MAP2: variants seen among roughly 807,000 people sequenced by gnomAD.
MAP2 encodes microtubule-associated protein 2.
Under a neutral mutation model 137.6 loss-of-function variants are expected in MAP2, and 14 were observed. That is an observed-to-expected ratio of 0.10 (90% CI 0.07 to 0.16). MAP2 has a LOEUF of 0.16. MAP2 is among the 10% of genes least tolerant of loss of function. MAP2 has a pLI of 1.00. For missense variants in MAP2, 2,088 were observed against 2,191.5 expected, an observed-to-expected ratio of 0.95 and a Z score of 0.94; for synonymous variants, 786 against 782.3, an observed-to-expected ratio of 1.00 and a Z score of -0.08.
chr2:209,668,354 CAACA>C (rs1355202313), intron 5 of MAP2, among the ~76,000 whole-genome samples: 2 of 151,932 alleles, frequency 1.3e-5, no homozygotes, highest in Non-Finnish European at 2.9e-5. Context: ...AATTTTATTT[CAACA>C]AACGCCCCAG....
In MAP2 at chr2:209,680,837, A is replaced by G. The variant is rs1380376410; in HGVS notation, c.454+10A>G. 1.2e-6 allele frequency: 2 copies of G among 1,611,952 alleles called. No individual in the cohort carries two copies. The highest frequency in any genetic ancestry group is 8.5e-7 in the Non-Finnish European group (1 of 1,178,280). ...GTCACAGTGGAGGAAGGTAAGGCCT[A>G]TTGGACTTTTCAGGGTTTGTCTTCT... On this transcript the variant is annotated intron_variant, in intron 7 of 15. Coordinates refer to ENST00000682079, the MANE Select transcript of MAP2 (RefSeq NM_001375505.1).
chr2:209,692,579 A>T lies in MAP2; in HGVS notation c.455-46A>T, dbSNP rs1156938851. On this transcript the variant is annotated intron_variant, in intron 7 of 15. Transcript: ENST00000682079. ...ATATAATTTTAAGCTTATTTCCTGA[A>T]CGCACTTGCCTATTATTTGTTTAAA... 2.0e-6 allele frequency: 3 copies of T among 1,513,678 alleles called. No individual in the cohort carries two copies. The East Asian group carries it at 6.9e-5, about 35-fold the overall frequency. 93.8% of individuals were successfully genotyped at this position (1,513,678 alleles called of 1,614,324 possible).
chr2:209,560,171 T>C lies in MAP2; in HGVS notation c.-171-19865T>C, dbSNP rs141213721. 9.3e-3 allele frequency among the ~76,000 whole-genome samples: 1,417 copies of C among 152,318 alleles called. 18 individuals are homozygous for C. The highest frequency in any genetic ancestry group is 0.033 in the African/African-American group (1,360 of 41,562). ...AACAGAACAGATGAAAGGCTATGGA[T>C]TGCATTCTCACCTGTTCCCTGTGCT... is the stretch of plus-strand genomic sequence containing the variant. On this transcript the variant is annotated intron_variant, in intron 2 of 15. Transcript: ENST00000682079.
intron 14 of MAP2, 113 bp downstream of exon 14, chr2:209,725,903 G>A: frequency 1.8e-6 from 1 of 571,346 alleles, no homozygotes; most frequent in Non-Finnish European, 3.0e-6. Context: ...TTAAAATATG[G>A]GTACTTCACA....
chr2:209,723,699 C>T (rs764814167), intron 13 of MAP2: 17 of 1,603,768 alleles, frequency 1.1e-5, no homozygotes, highest in Admixed American at 3.3e-5. Context: ...TAAGTAGAAG[C>T]GCCTTTTAGA....
intron 14 of MAP2, among the ~76,000 whole-genome samples, chr2:209,726,713 A>G (rs2074178252): frequency 6.6e-6 from 1 of 152,204 alleles, no homozygotes; most frequent in South Asian, 2.1e-4. Flanking sequence ...GCAGCAAGCT[A>G]TGATCACACC....
intron 14 of MAP2, among the ~76,000 whole-genome samples, chr2:209,726,133 G>A (rs183264755): frequency 2.5e-3 from 378 of 152,244 alleles, no homozygotes; most frequent in Non-Finnish European, 4.7e-3. Flanking sequence ...ATTGGGGGTA[G>A]CATTTCCAAG....
intron 5 of MAP2, among the ~76,000 whole-genome samples, chr2:209,674,223 A>G (rs908451072): frequency 2.0e-5 from 3 of 151,874 alleles, no homozygotes; most frequent in African/African-American, 7.2e-5. Flanking sequence ...CCTTTAGTGC[A>G]TATCACTATT....
chr2:209,716,557 A>G (rs951727657), intron 13 of MAP2, among the ~76,000 whole-genome samples: 1 of 152,174 alleles, frequency 6.6e-6, no homozygotes, highest in Non-Finnish European at 1.5e-5. Context: ...CTCATCAGCT[A>G]TGATTAGTTT....
intron 2 of MAP2, among the ~76,000 whole-genome samples, chr2:209,548,511 A>G (rs1189452416): frequency 2.6e-5 from 4 of 152,212 alleles, no homozygotes; most frequent in Admixed American, 2.0e-4. Context: ...TTCAGATGTC[A>G]TAGAAATGAC....
At chr2:209,582,679 A>T (rs563747041) in intron 3 of MAP2, among the ~76,000 whole-genome samples, 1 of 151,980 alleles carries the variant, frequency 6.6e-6, no homozygotes, top group African/African-American at 2.4e-5. Context: ...AGATAGATAG[A>T]TAGATAGATA....
At chr2:209,523,141 C>T (rs2063520761) in intron 2 of MAP2, among the ~76,000 whole-genome samples, 1 of 152,014 alleles carries the variant, frequency 6.6e-6, no homozygotes, top group Non-Finnish European at 1.5e-5. Flanking sequence ...ATGCTTAGAC[C>T]TCAGTTACTC....
chr2:209,586,607 A>C (rs993379708), intron 3 of MAP2, among the ~76,000 whole-genome samples: 1 of 152,162 alleles, frequency 6.6e-6, no homozygotes, highest in Non-Finnish European at 1.5e-5. Context: ...CTGTTCAGAG[A>C]ATGAATTATA....
chr2:209,657,142 T>A (rs1375402230), intron 5 of MAP2, among the ~76,000 whole-genome samples: 1 of 151,600 alleles, frequency 6.6e-6, no homozygotes, highest in Non-Finnish European at 1.5e-5. Flanking sequence ...TATTCCATCG[T>A]ATATCTACAC....
intron 1 of MAP2, among the ~76,000 whole-genome samples, chr2:209,480,457 A>G (rs1200091443): frequency 6.6e-6 from 1 of 152,170 alleles, no homozygotes; most frequent in Non-Finnish European, 1.5e-5. Flanking sequence ...ATATTTAAAG[A>G]TGATTACAAG....
At chr2:209,490,057 AC>A (rs2058881227) in intron 1 of MAP2, among the ~76,000 whole-genome samples, 1 of 152,196 alleles carries the variant, frequency 6.6e-6, no homozygotes, top group Non-Finnish European at 1.5e-5. Flanking sequence ...ACAAAGGGAA[AC>A]CCATCAGACA....
Position 209,637,268 on chromosome 2 carries a change from C to A in MAP2, c.-30+12139C>A, listed in dbSNP as rs560457637. Among the ~76,000 whole-genome samples, 10 of 152,140 alleles carry A rather than the reference C, an allele frequency of 6.6e-5. 1 individual carries two copies. The South Asian group carries it at 1.9e-3, about 28-fold the overall frequency. ...GACCACCCTAGCCAATATGGTGAAA[C>A]CCTATCTCTATTAAAAATACAAAAA... On this transcript the variant is annotated intron_variant, in intron 4 of 15. Transcript: ENST00000682079.
At chr2:209,671,283 C>G (rs1485800792) in intron 5 of MAP2, among the ~76,000 whole-genome samples, 2 of 151,876 alleles carry the variant, frequency 1.3e-5, no homozygotes, top group Non-Finnish European at 2.9e-5. Flanking sequence ...AATAAAAACC[C>G]AACAATTTGC....
intron 4 of MAP2, among the ~76,000 whole-genome samples, chr2:209,633,211 C>T (rs1030904407): frequency 6.6e-6 from 1 of 152,118 alleles, no homozygotes; most frequent in African/African-American, 2.4e-5. Context: ...TCTAAATACC[C>T]GTGTTCCCCT....
Sources: gnomAD v4.1 joint callset for allele counts (sites outside exome capture counted in the v4.1 genomes callset) on GRCh38, gnomAD v4.1.1 for gene constraint, MANE v1.5 for transcripts, NCBI Gene and HGNC (gene_info 2026-07-23, HGNC 2026-07-21) for gene names.